The following KANK4 variants were observed in gnomAD, a reference collection of about 807,000 sequenced individuals.
The protein encoded by KANK4 is KN motif and ankyrin repeat domain-containing protein 4.
In KANK4, 50 loss-of-function variants were observed where a neutral mutation model predicts 80.8. The observed-to-expected ratio is 0.62, with a 90% CI of 0.49 to 0.78. The LOEUF (loss-of-function observed/expected upper bound fraction) is 0.78. Among genes scored for constraint, KANK4 ranks in the 30% least tolerant of loss-of-function variants. KANK4 has a pLI of 0.00. For synonymous variants in KANK4, 465 were observed against 506.9 expected (o/e 0.92, Z 1.11); for missense variants, 1,196 against 1,240.1 (o/e 0.96, Z 0.53).
At chr1:62,250,690 T>C (rs1671593943) in intron 8 of KANK4, among the ~76,000 whole-genome samples, 1 of 139,118 alleles carries the variant, frequency 7.2e-6, no homozygotes, top group Non-Finnish European at 1.6e-5. Context: ...AAGCAACCCC[T>C]CTTACAAGAG....
chr1:62,250,409 A>G (rs561143924), intron 8 of KANK4, among the ~76,000 whole-genome samples: 2 of 152,316 alleles, frequency 1.3e-5, no homozygotes, highest in East Asian at 3.9e-4. Flanking sequence ...ATTTAATTCA[A>G]TGAGCATTTA....
At chr1:62,266,322 C>A (rs1461904049) in intron 6 of KANK4, among the ~76,000 whole-genome samples, 1 of 151,482 alleles carries the variant, frequency 6.6e-6, no homozygotes, top group Admixed American at 6.6e-5. Context: ...TCACACTGTG[C>A]ACTGCACACT....
chr1:62,287,139 A>T (rs1334387012), intron 1 of KANK4, among the ~76,000 whole-genome samples: 1 of 152,166 alleles, frequency 6.6e-6, no homozygotes, highest in Non-Finnish European at 1.5e-5. Context: ...CCTACAGCCC[A>T]AAGCTGCTGC....
Position 62,297,842 on chromosome 1 carries a change from A to C in KANK4, c.-70-16208T>G, listed in dbSNP as rs145475271. Among the ~76,000 whole-genome samples, 169 of 152,388 alleles carry C rather than the reference A, an allele frequency of 1.1e-3. 1 individual carries two copies. Among genetic ancestry groups the C allele is most frequent in the African/African-American group, 3.9e-3 (161 of 41,594 alleles). On this transcript the variant is annotated intron_variant, in intron 1 of 9. Transcript: ENST00000371153. Reference sequence around the variant, plus strand: ...TGAGGTGTTTAATTGCTATTTAACCAGATAGCAGCAGTTGAGTTACACAGA... The same window carrying C: ...TGAGGTGTTTAATTGCTATTTAACCCGATAGCAGCAGTTGAGTTACACAGA...
chr1:62,252,955 C>G (rs1477283016), intron 8 of KANK4, 112 bp downstream of exon 8: 1 of 1,323,182 alleles, frequency 7.6e-7, no homozygotes, highest in Non-Finnish European at 1.1e-6. Context: ...GTCCCAGCCT[C>G]CTTGGGTTAA....
chr1:62,301,635 G>A (rs1644412894), intron 1 of KANK4, among the ~76,000 whole-genome samples: 1 of 151,890 alleles, frequency 6.6e-6, no homozygotes, highest in Non-Finnish European at 1.5e-5. Flanking sequence ...TGTGTGTTTA[G>A]GTTCCCTAAC....
At chr1:62,259,898 T>G (rs1289066923) in intron 7 of KANK4, among the ~76,000 whole-genome samples, 1 of 152,130 alleles carries the variant, frequency 6.6e-6, no homozygotes, top group Non-Finnish European at 1.5e-5. Flanking sequence ...GTATGTACCC[T>G]GCTAGACAGC....
At chr1:62,266,948 A>G (rs1672036374) in intron 5 of KANK4, 129 bp from the exon 6 acceptor site, 1 of 600,606 alleles carries the variant, frequency 1.7e-6, no homozygotes, top group Non-Finnish European at 2.9e-6. Flanking sequence ...GCCCTAGGAG[A>G]GGGTGAGCTT....
chr1:62,281,670 A>G, intron 1 of KANK4, 36 bp from the exon 2 acceptor site: 1 of 1,290,382 alleles, frequency 7.7e-7, no homozygotes. Flanking sequence ...GGTGAGTCTC[A>G]TTAGCGTTTG....
chr1:62,251,631 G>A (rs1002453162), intron 8 of KANK4, among the ~76,000 whole-genome samples: 2 of 152,152 alleles, frequency 1.3e-5, no homozygotes, highest in African/African-American at 4.8e-5. Flanking sequence ...CCAACCCTCT[G>A]TGCTGCCTTT....
intron 3 of KANK4, 168 bp from the exon 4 acceptor site, chr1:62,271,757 C>G (rs1003590099): frequency 4.9e-5 from 28 of 569,124 alleles, no homozygotes; most frequent in Middle Eastern, 8.1e-4. Context: ...CTTGGAGGAG[C>G]CTTGCTTTCT....
chr1:62,238,404 G>T (rs755916041), intron 9 of KANK4, 23 bp from the exon 10 acceptor site: 4 of 1,603,256 alleles, frequency 2.5e-6, no homozygotes, highest in African/African-American at 1.3e-5. Context: ...AAGGAAAGAA[G>T]AAATAAATAT....
chr1:62,271,657 T>C, intron 3 of KANK4, 68 bp from the exon 4 acceptor site: 1 of 1,195,472 alleles, frequency 8.4e-7, no homozygotes. Flanking sequence ...AAAACCAGGA[T>C]ATTGCTTTGA....
At chr1:62,317,460 C>G (rs754936902) in intron 1 of KANK4, among the ~76,000 whole-genome samples, 3 of 152,166 alleles carry the variant, frequency 2.0e-5, no homozygotes, top group Non-Finnish European at 4.4e-5. Flanking sequence ...TATGATCTAG[C>G]CAGGGGACTT....
intron 7 of KANK4, among the ~76,000 whole-genome samples, chr1:62,259,574 G>A (rs904370464): frequency 1.3e-5 from 2 of 152,100 alleles, no homozygotes; most frequent in African/African-American, 4.8e-5. Flanking sequence ...ACCGCGCCTG[G>A]ACCAGTATTG....
intron 1 of KANK4, among the ~76,000 whole-genome samples, chr1:62,282,717 T>G (rs931017861): frequency 1.3e-5 from 2 of 152,238 alleles, no homozygotes; most frequent in Admixed American, 6.5e-5. Context: ...CGAGTGCTGC[T>G]TCTGCCTCAT....
intron 9 of KANK4, among the ~76,000 whole-genome samples, chr1:62,238,608 A>G (rs1376303062): frequency 6.6e-6 from 1 of 151,444 alleles, no homozygotes; most frequent in Non-Finnish European, 1.5e-5. Context: ...AGAAATAAAG[A>G]AGGGCCATCT....
At chr1:62,300,577 T>A (rs1268793996) in intron 1 of KANK4, among the ~76,000 whole-genome samples, 1 of 151,996 alleles carries the variant, frequency 6.6e-6, no homozygotes, top group Non-Finnish European at 1.5e-5. Context: ...TAGCTAGAGA[T>A]GAAAACATGT....
chr1:62,286,007 C>T (rs530475036), intron 1 of KANK4, among the ~76,000 whole-genome samples: 23 of 152,220 alleles, frequency 1.5e-4, no homozygotes, highest in African/African-American at 5.1e-4. Flanking sequence ...AGTTCTCCAG[C>T]GGGCTCACCT....
Sources: gnomAD v4.1 joint callset for allele counts (sites outside exome capture counted in the v4.1 genomes callset) on GRCh38, gnomAD v4.1.1 for gene constraint, MANE v1.5 for transcripts, NCBI Gene and HGNC (gene_info 2026-07-23, HGNC 2026-07-21) for gene names.